LYST: variants seen among roughly 807,000 people sequenced by gnomAD.
LYST encodes lysosomal-trafficking regulator.
LYST carries 192 observed loss-of-function variants against 413.6 expected under a neutral mutation model. That is an observed-to-expected ratio of 0.46 (90% CI 0.41 to 0.52). LYST has a LOEUF of 0.52. Ranked by LOEUF, LYST falls within the 20% of genes least tolerant of loss-of-function variation. The pLI, the probability that LYST is intolerant of heterozygous loss-of-function variation, is 0.00. For synonymous variants in LYST, 1,525 were observed against 1,567.3 expected, an observed-to-expected ratio of 0.97 and a Z score of 0.64; for missense variants, 3,815 against 4,499.9, an observed-to-expected ratio of 0.85 and a Z score of 4.35.
At chr1:235,798,578 TAAAAAAAAAAAAAAAAAAAAA>T (rs71174462) in intron 10 of LYST, among the ~76,000 whole-genome samples, 22 of 81,712 alleles carry the variant, frequency 2.7e-4, no homozygotes, top group Middle Eastern at 0.012. Context: ...AACCCTGTCA[TAAAAAAAAAAAAAAAAAAAAA>T]AAAAAAAAAA....
At position 235,796,918 on chromosome 1, in the gene LYST, C is replaced by T. The variant is rs1671608290; in HGVS notation, c.4007-3306G>A. 2.0e-5 allele frequency among the ~76,000 whole-genome samples: 3 copies of T among 152,178 alleles called. No homozygotes were observed. The South Asian group carries it at 6.2e-4, about 32-fold the overall frequency. ...CCTTCAGGGGAATACAAATCAAAAC[C>T]ACAATGAGATACCACTTCATATCCA... On this transcript the variant is annotated intron_variant, in intron 10 of 52. Coordinates refer to ENST00000389793, the MANE Select transcript of LYST (RefSeq NM_000081.4).
chr1:235,805,748 T>G lies in LYST; in HGVS notation c.3388A>C (p.Asn1130His), dbSNP rs912376226. 1.2e-6 allele frequency: 2 copies of G among 1,608,600 alleles called. No individual in the cohort carries two copies. Among genetic ancestry groups the G allele is most frequent in the Non-Finnish European group, 8.5e-7 (1 of 1,175,506 alleles). Reference sequence around the variant, plus strand: ...GACTAAGGACAAGGTATTACCTGATTAGGTAACTCCAATTCCATCTTCTGT... The same window carrying G: ...GACTAAGGACAAGGTATTACCTGATGAGGTAACTCCAATTCCATCTTCTGT... ...SQQKMELELPNQNLSVESILF... is the reference protein window; with the variant it reads ...SQQKMELELPHQNLSVESILF... Residue 1130 changes from asparagine (N) to histidine (H), a missense_variant, in exon 6 of 53, where the codon AAT becomes CAT. Physicochemically the swap from Asn to His is moderately conservative, Grantham distance 68 (BLOSUM62 1). Around this residue, in one of 4 missense-constraint regions of LYST, gnomAD observed 1,648 missense variants for 1,810.3 expected, o/e 0.91. Coordinates refer to ENST00000389793, the MANE Select transcript of LYST (RefSeq NM_000081.4).
chr1:235,807,625 G>T (rs565392402), intron 5 of LYST, among the ~76,000 whole-genome samples: 1 of 152,250 alleles, frequency 6.6e-6, no homozygotes, highest in African/African-American at 2.4e-5. Context: ...GATATTGATA[G>T]GTTATTTTTG....
At chr1:235,695,505 T>C (rs1428470943) in intron 46 of LYST, among the ~76,000 whole-genome samples, 1 of 152,236 alleles carries the variant, frequency 6.6e-6, no homozygotes, top group African/African-American at 2.4e-5. Context: ...TAAGGGTTCA[T>C]GACTGTAGTG....
chr1:235,753,743 C>T (rs911594144), intron 25 of LYST, among the ~76,000 whole-genome samples: 3 of 152,118 alleles, frequency 2.0e-5, no homozygotes, highest in African/African-American at 7.2e-5. Context: ...TATTTTGTGC[C>T]TCATTTTCCT....
At chr1:235,738,642 C>A in intron 31 of LYST, 1 of 1,607,776 alleles carries the variant, frequency 6.2e-7, no homozygotes, top group African/African-American at 1.3e-5. Flanking sequence ...CAAGACTCTG[C>A]ACCCAGATTT....
intron 36 of LYST, 105 bp downstream of exon 36, chr1:235,730,742 A>AT: frequency 1.1e-6 from 1 of 889,712 alleles, no homozygotes; most frequent in South Asian, 1.4e-5. Flanking sequence ...CCTGTTTAGG[A>AT]TTTTTCTGAA....
intron 1 of LYST, among the ~76,000 whole-genome samples, chr1:235,848,851 C>A (rs1304765748): frequency 6.6e-6 from 1 of 151,520 alleles, no homozygotes; most frequent in Non-Finnish European, 1.5e-5. Flanking sequence ...CCTGAACAGA[C>A]CCAGCGAGAT....
intron 7 of LYST, 132 bp from the exon 8 acceptor site, chr1:235,803,196 T>C: frequency 1.4e-6 from 1 of 716,880 alleles, no homozygotes. Flanking sequence ...ACAATATGAA[T>C]CATTATAAAT....
intron 1 of LYST, among the ~76,000 whole-genome samples, chr1:235,866,151 G>C (rs1291644494): frequency 1.3e-5 from 2 of 152,154 alleles, no homozygotes; most frequent in East Asian, 3.9e-4. Context: ...GGGTCTTCTC[G>C]GGTAATTTCC....
intron 31 of LYST, among the ~76,000 whole-genome samples, chr1:235,739,697 C>T (rs1665173584): frequency 6.6e-6 from 1 of 151,584 alleles, no homozygotes; most frequent in South Asian, 2.1e-4. Flanking sequence ...CTTATAGATG[C>T]TGATGGAATG....
intron 34 of LYST, among the ~76,000 whole-genome samples, chr1:235,731,778 A>G (rs1664402121): frequency 1.3e-5 from 2 of 151,906 alleles, no homozygotes; most frequent in African/African-American, 2.4e-5. Context: ...GGCTTGTCTC[A>G]AACTCCTAGC....
Position 235,744,118 on chromosome 1 carries a change from T to C in LYST, c.8012A>G (p.Glu2671Gly), listed in dbSNP as rs1665678996. 2 of 1,600,520 alleles carry C rather than the reference T, an allele frequency of 1.2e-6. No homozygotes were observed. The highest frequency in any genetic ancestry group is 2.7e-5 in the African/African-American group (2 of 74,692). The change falls in exon 30 of 53, where the codon GAA becomes GGA. Residue 2671 changes from glutamate to glycine, a missense_variant. By Grantham distance (98) the Glu-to-Gly change is moderately conservative. Coordinates refer to ENST00000389793, the MANE Select transcript of LYST (RefSeq NM_000081.4). The stretch of plus-strand genomic sequence containing the variant: ...TGAGGTCTTGCTTTGAGTTACATTT[T>C]CTGGAGTTCTCAAAATGTCAATAAT... Reference protein sequence around the residue: ...SDIIDILRTPENVTQSKTSVF... With the variant: ...SDIIDILRTPGNVTQSKTSVF...
chr1:235,733,898 C>A lies in LYST; in HGVS notation c.8544G>T (p.Lys2848Asn), dbSNP rs1165045988. 8 of 1,560,562 alleles carry A rather than the reference C, an allele frequency of 5.1e-6. No individual in the cohort carries two copies. Among genetic ancestry groups the A allele is most frequent in the Non-Finnish European group, 7.1e-6 (8 of 1,132,706 alleles). Residue 2848 changes from lysine (K) to asparagine (N), a missense_variant, in exon 33 of 53, where the codon AAG becomes AAT. Transcript: ENST00000389793. ...TCACTCCTTCTTCAGTTTCATATTTCTTTTGTTCCTAGAAGATTTAGATAA... is the reference window on the plus strand; with the variant it reads ...TCACTCCTTCTTCAGTTTCATATTTATTTTGTTCCTAGAAGATTTAGATAA... The part of the protein sequence containing the change: ...DLIKMIKEEQ[K>N]KYETEEGVNK...
rs750470223 is a variant in LYST at position 235,733,819 on chromosome 1, T to C, written c.8612+11A>G. 37 of 1,579,304 alleles carry C rather than the reference T, an allele frequency of 2.3e-5. No homozygotes were observed. Among genetic ancestry groups the C allele is most frequent in the Non-Finnish European group, 3.0e-5 (35 of 1,148,564 alleles). ...CTAAAATACATGCCTTTGGAACATA[T>C]AAAATCTTACCTTTGTTGATTATTG... On this transcript the variant is annotated intron_variant, in intron 33 of 52. Coordinates refer to ENST00000389793, the MANE Select transcript of LYST (RefSeq NM_000081.4).
At chr1:235,775,283 C>T (rs1342304479) in intron 17 of LYST, among the ~76,000 whole-genome samples, 197 bp from the exon 18 acceptor site, 2 of 152,066 alleles carry the variant, frequency 1.3e-5, no homozygotes, top group Non-Finnish European at 2.9e-5. Context: ...TCTATAGTCT[C>T]TTATATATAC....
At chr1:235,828,326 G>A (rs1363396124) in intron 3 of LYST, 1 of 191,740 alleles carries the variant, frequency 5.2e-6, no homozygotes, top group Non-Finnish European at 9.6e-6. Context: ...TGGAGGTGAT[G>A]AAAATATTCC....
chr1:235,859,517 A>G (rs1235928884), intron 1 of LYST, among the ~76,000 whole-genome samples: 1 of 149,454 alleles, frequency 6.7e-6, no homozygotes, highest in Non-Finnish European at 1.5e-5. Flanking sequence ...TTTTTTTTTA[A>G]ATGTATCTAT....
chr1:235,691,945 AC>A (rs983840453), intron 47 of LYST, among the ~76,000 whole-genome samples: 8 of 148,468 alleles, frequency 5.4e-5, no homozygotes, highest in African/African-American at 2.0e-4. Context: ...TGATCCCCGC[AC>A]CTTGGCCTCC....
Sources: gnomAD v4.1 joint callset for allele counts (sites outside exome capture counted in the v4.1 genomes callset) on GRCh38, gnomAD v4.1.1 for gene constraint, gnomAD v4.1.1 regional missense constraint, MANE v1.5 for transcripts, NCBI Gene and HGNC (gene_info 2026-07-23, HGNC 2026-07-21) for gene names.